The following DAPK3 variants were observed in gnomAD, a reference collection of about 807,000 sequenced individuals.
DAPK3 encodes death-associated protein kinase 3.
A neutral mutation model predicts 30.6 loss-of-function variants in DAPK3; 24 were observed. That is an observed-to-expected ratio of 0.78 (90% CI 0.57 to 1.10). The LOEUF is 1.10. DAPK3 is among the 50% of genes least tolerant of loss of function. DAPK3 has a pLI of 0.00. For missense variants in DAPK3, 629 were observed against 657.3 expected, an observed-to-expected ratio of 0.96 and a Z score of 0.47; for synonymous variants, 341 against 284.0, an observed-to-expected ratio of 1.20 and a Z score of -2.02.
chr19:3,960,881 G>T, intron 7 of DAPK3, 128 bp downstream of exon 7: 1 of 914,520 alleles, frequency 1.1e-6, no homozygotes, highest in Non-Finnish European at 1.6e-6. Flanking sequence ...TCCAGCCCAA[G>T]GGGTAAGCAA....
intron 7 of DAPK3, 80 bp downstream of exon 7, chr19:3,960,929 G>A: frequency 6.7e-7 from 1 of 1,488,396 alleles, no homozygotes; most frequent in South Asian, 1.2e-5. Context: ...GCGCTGGGAG[G>A]AGAGTCCTCT....
In DAPK3 at chr19:3,964,650, A is replaced by C; in HGVS notation, c.404T>G (p.Ile135Ser). ...GCTCACCTTCAGGTCAAAGTGTGCG[A>C]TGCGCTTAGAGTGCAGGTAGTGAAC... ...DGVHYLHSKR[I>S]AHFDLKPENI... The change falls in exon 3 of 9, where the codon ATC becomes AGC. Residue 135 changes from isoleucine to serine, a missense_variant. Coordinates refer to ENST00000545797, the MANE Select transcript of DAPK3 (RefSeq NM_001348.3). 6.8e-7 allele frequency: 1 copy of C among 1,461,856 alleles called. No individual in the cohort carries two copies. The highest frequency in any genetic ancestry group is 3.3e-5 in the East Asian group (1 of 30,494). 90.6% of individuals were successfully genotyped at this position (1,461,856 alleles called of 1,614,324 possible).
Position 3,962,272 on chromosome 19 carries a change from C to G in DAPK3, c.630-1111G>C, listed in dbSNP as rs572852869. Among the ~76,000 whole-genome samples the G allele has an allele frequency of 2.0e-5, 3 of 152,358 alleles. No homozygotes were observed. The South Asian group carries it at 6.2e-4, about 32-fold the overall frequency. On this transcript the variant is annotated intron_variant, in intron 6 of 8. Transcript: ENST00000545797. ...GAGGAAGCTGCAGGGGGCGTCTGTG[C>G]TGTTTCTGTTGCTCCTTTGTAAGTC...
At chr19:3,965,948 CTGATT>C (rs2039573746) in intron 2 of DAPK3, among the ~76,000 whole-genome samples, 1 of 152,022 alleles carries the variant, frequency 6.6e-6, no homozygotes, top group African/African-American at 2.4e-5. Flanking sequence ...ACTACCACAC[CTGATT>C]TATTTATTTT....
Position 3,964,341 on chromosome 19 carries a change from C to G in DAPK3, c.456G>C (p.Val152=). ...CGATGAGCTTGATTCGTGGGTTGGG[C>G]ACGTTCTTGTCCAGCAGCATGATGT... The part of the protein sequence containing the change: ...PENIMLLDKN[V]PNPRIKLIDF... The change falls in exon 4 of 9, where the codon GTG becomes GTC. Residue 152 remains valine, a synonymous_variant. Coordinates refer to ENST00000545797, the MANE Select transcript of DAPK3 (RefSeq NM_001348.3). 1 of 1,613,410 alleles carries G rather than the reference C, an allele frequency of 6.2e-7. No individual in the cohort carries two copies. Among genetic ancestry groups the G allele is most frequent in the South Asian group, 1.1e-5 (1 of 91,072 alleles).
Position 3,959,317 on chromosome 19 carries a change from C to T in DAPK3, c.1149G>A (p.Gln383=), listed in dbSNP as rs985748144. Residue 383 remains glutamine, a synonymous_variant, in exon 9 of 9, where the codon CAG becomes CAA. Coordinates refer to ENST00000545797, the MANE Select transcript of DAPK3 (RefSeq NM_001348.3). ...TGAGCGCCTCGGTCTTGAGCAGCTC[C>T]TGCCGTAGCCTCCGCAGGTCCTGGC... The part of the protein sequence containing the change: ...SLGQDLRRLR[Q]ELLKTEALKR... 3 of 1,594,002 alleles carry T rather than the reference C, an allele frequency of 1.9e-6. No individual in the cohort carries two copies. The highest frequency in any genetic ancestry group is 1.7e-5 in the Admixed American group (1 of 59,342).
At chr19:3,961,730 A>G (rs1447983853) in intron 6 of DAPK3, 2 of 343,686 alleles carry the variant, frequency 5.8e-6, no homozygotes, top group African/African-American at 2.1e-5. Context: ...GGTCAAGGTC[A>G]TGAAAGCCAG....
intron 6 of DAPK3, chr19:3,961,622 C>G: frequency 2.3e-6 from 1 of 433,836 alleles, no homozygotes; most frequent in Non-Finnish European, 4.8e-6. Context: ...AGCAGAGACA[C>G]TGAAGCCCCG....
intron 4 of DAPK3, 79 bp downstream of exon 4, chr19:3,964,165 G>A: frequency 1.5e-6 from 2 of 1,298,676 alleles, no homozygotes; most frequent in South Asian, 1.4e-5. Flanking sequence ...CCAGCACCGG[G>A]CATGACCCAC....
intron 7 of DAPK3, 25 bp downstream of exon 7, chr19:3,960,984 C>CGT: frequency 6.2e-7 from 1 of 1,611,190 alleles, no homozygotes; most frequent in Non-Finnish European, 8.5e-7. Flanking sequence ...TGTCCCACCC[C>CGT]GTGCCCCCTG....
intron 6 of DAPK3, chr19:3,961,898 A>T: frequency 5.0e-6 from 1 of 199,180 alleles, no homozygotes; most frequent in Non-Finnish European, 1.1e-5. Context: ...TCGCTCTGTC[A>T]CCCAGGCTGG....
chr19:3,960,323 C>G (rs1011928026), intron 7 of DAPK3, among the ~76,000 whole-genome samples: 2 of 152,064 alleles, frequency 1.3e-5, no homozygotes, highest in Non-Finnish European at 2.9e-5. Context: ...CCCAGGCGCC[C>G]GAGAGAGGGA....
At chr19:3,961,644 G>C in intron 6 of DAPK3, 1 of 405,262 alleles carries the variant, frequency 2.5e-6, no homozygotes. Context: ...CTGATCGTCT[G>C]ATCGTGACAG....
rs1339804075 is a variant in DAPK3 at position 3,958,473 on chromosome 19, A to G, written c.*628T>C. On this transcript the variant is annotated 3_prime_UTR_variant, in exon 9 of 9. Coordinates refer to ENST00000545797, the MANE Select transcript of DAPK3 (RefSeq NM_001348.3). Reference sequence around the variant, plus strand: ...CCGCGTATCTGGAAGCCAGTATTTTATTTCTCTTGGCTGCAGAGGGCCGCT... The same window carrying G: ...CCGCGTATCTGGAAGCCAGTATTTTGTTTCTCTTGGCTGCAGAGGGCCGCT... 2 of 456,338 alleles carry G rather than the reference A, an allele frequency of 4.4e-6. No homozygotes were observed. Among genetic ancestry groups the G allele is most frequent in the South Asian group, 3.1e-5 (2 of 64,576 alleles). The allele number at this position is 456,338 out of a possible 1,614,324, so 28.3% of individuals were successfully genotyped here.
intron 5 of DAPK3, 35 bp from the exon 6 acceptor site, chr19:3,963,704 G>T: frequency 6.6e-7 from 1 of 1,514,460 alleles, no homozygotes; most frequent in Non-Finnish European, 8.9e-7. Context: ...TCAGCGCAGC[G>T]TGGGGCCGCC....
At position 3,960,958 on chromosome 19, in the gene DAPK3, G is replaced by A. The variant is rs1320100947; in HGVS notation, c.782+51C>T. 7 of 1,594,874 alleles carry A rather than the reference G, an allele frequency of 4.4e-6. No homozygotes were observed. In the Admixed American group the frequency reaches 1.2e-4, roughly 27 times the overall value. Reference sequence around the variant, plus strand: ...GTCCTCTGGAGCCTCCGTGGGTGGAGTGGGCCTGTGTCCCATGTCCCACCC... The same window carrying A: ...GTCCTCTGGAGCCTCCGTGGGTGGAATGGGCCTGTGTCCCATGTCCCACCC... On this transcript the variant is annotated intron_variant, in intron 7 of 8. Coordinates refer to ENST00000545797, the MANE Select transcript of DAPK3 (RefSeq NM_001348.3).
In DAPK3 at chr19:3,964,866, C is replaced by T. The variant is rs754136673; in HGVS notation, c.188G>A (p.Arg63Gln). Residue 63 changes from arginine to glutamine, a missense_variant, in exon 3 of 9, where the codon CGG (arginine) becomes CAG (glutamine). Physicochemically the swap from Arg to Gln is conservative, Grantham distance 43 (BLOSUM62 1). This residue lies in a region of DAPK3 where 306 missense variants were observed against 378.5 expected (regional missense o/e 0.81). Coordinates refer to ENST00000545797, the MANE Select transcript of DAPK3 (RefSeq NM_001348.3). ...RRGVSREEIE[R>Q]EVNILREIRH... ...GATCTCCCGCAGGATGTTCACCTCC[C>T]GCTCGATCTCCTCCCGGCTCACCCC... 1.2e-6 allele frequency: 2 copies of T among 1,612,428 alleles called. No individual in the cohort carries two copies. Among genetic ancestry groups the T allele is most frequent in the Admixed American group, 1.7e-5 (1 of 59,980 alleles).
In DAPK3 at chr19:3,963,636, T is replaced by C. The variant is rs918138190; in HGVS notation, c.629+7A>G. 4 of 1,520,282 alleles carry C rather than the reference T, an allele frequency of 2.6e-6. No homozygotes were observed. The highest frequency in any genetic ancestry group is 2.5e-5 in the Admixed American group (1 of 40,738). 94.2% of individuals were successfully genotyped at this position (1,520,282 alleles called of 1,614,324 possible). On this transcript the variant is annotated splice_region_variant and intron_variant, in intron 6 of 8. Transcript: ENST00000545797. ...CACAGCCGAGGGGGCCCCCGCCAGG[T>C]ACTCACAGGATATAGGTGATGACAC...
rs1455599118 is a variant in DAPK3 at position 3,958,704 on chromosome 19, G to C, written c.*397C>G. ...ACGACCTCCTCCTGGGCTAATGGCA[G>C]CAACAGGCAGCACCCCGCCGAATTG... On this transcript the variant is annotated 3_prime_UTR_variant, in exon 9 of 9. Coordinates refer to ENST00000545797, the MANE Select transcript of DAPK3 (RefSeq NM_001348.3). The C allele has an allele frequency of 1.1e-5, 4 of 355,732 alleles. No individual in the cohort carries two copies. Among genetic ancestry groups the C allele is most frequent in the Non-Finnish European group, 2.2e-5 (4 of 180,476 alleles). 22.0% of individuals were successfully genotyped at this position (355,732 alleles called of 1,614,324 possible).
Sources: allele counts gnomAD v4.1 joint callset (sites outside exome capture counted in the v4.1 genomes callset), GRCh38; gene constraint gnomAD v4.1.1; regional missense constraint gnomAD v4.1.1; transcripts MANE v1.5; gene names NCBI Gene and HGNC (gene_info 2026-07-23, HGNC 2026-07-21).